Variants in EPB41L5 observed in about 807,000 individuals in gnomAD.
EPB41L5 encodes erythrocyte membrane protein band 4.1 like 5.
In EPB41L5, 55 loss-of-function variants were observed where a neutral mutation model predicts 106.6. The ratio of observed to expected loss-of-function variants is 0.52; its 90% confidence interval spans 0.42 to 0.65. EPB41L5 has a LOEUF of 0.65. EPB41L5 is among the 30% of genes least tolerant of loss of function. The pLI, the probability that EPB41L5 is intolerant of heterozygous loss-of-function variation, is 0.00. For synonymous variants in EPB41L5, 297 were observed against 306.7 expected (o/e 0.97, Z 0.33); for missense variants, 871 against 882.1 (o/e 0.99, Z 0.16).
At chr2:120,039,852 AAAGT>A (rs893662559) in intron 2 of EPB41L5, among the ~76,000 whole-genome samples, 1 of 151,216 alleles carries the variant, frequency 6.6e-6, no homozygotes, top group Non-Finnish European at 1.5e-5. Context: ...AAAAAAGAAG[AAAGT>A]AATTTTATGA....
At chr2:120,165,537 T>G (rs920412112) in intron 22 of EPB41L5, among the ~76,000 whole-genome samples, 1 of 152,190 alleles carries the variant, frequency 6.6e-6, no homozygotes, top group Admixed American at 6.5e-5. Flanking sequence ...CCTGCACATG[T>G]TCAGTACAGA....
chr2:120,031,562 A>G (rs1000733576), intron 2 of EPB41L5, among the ~76,000 whole-genome samples: 1 of 152,192 alleles, frequency 6.6e-6, no homozygotes, highest in African/African-American at 2.4e-5. Flanking sequence ...GTTCATTTTC[A>G]ATAGCTACAA....
intron 1 of EPB41L5, among the ~76,000 whole-genome samples, chr2:120,016,004 A>G (rs985560336): frequency 6.6e-6 from 1 of 152,082 alleles, no homozygotes; most frequent in Non-Finnish European, 1.5e-5. Flanking sequence ...TGATGAACAC[A>G]TTTAAAATTT....
chr2:120,127,246 A>G (rs1314798828), intron 16 of EPB41L5, among the ~76,000 whole-genome samples: 1 of 152,190 alleles, frequency 6.6e-6, no homozygotes, highest in Non-Finnish European at 1.5e-5. Context: ...AAGTCTACTC[A>G]AAGGGTTGTG....
At chr2:120,104,842 T>G in intron 16 of EPB41L5, 1 of 966,912 alleles carries the variant, frequency 1.0e-6, no homozygotes, top group Non-Finnish European at 1.2e-6. Context: ...GAGATCACAT[T>G]AATAATGTGG....
chr2:120,101,242 G>T (rs1684126130), intron 16 of EPB41L5, among the ~76,000 whole-genome samples: 1 of 152,166 alleles, frequency 6.6e-6, no homozygotes, highest in South Asian at 2.1e-4. Flanking sequence ...AAGACGAAGG[G>T]TAAAGTCAGA....
chr2:120,155,024 A>G (rs1216675964), intron 20 of EPB41L5, among the ~76,000 whole-genome samples: 3 of 152,356 alleles, frequency 2.0e-5, no homozygotes, highest in Middle Eastern at 3.4e-3. Context: ...GTGGAATAAA[A>G]GAGAAGTTAT....
At chr2:120,155,630 T>C (rs1023268576) in intron 20 of EPB41L5, among the ~76,000 whole-genome samples, 1 of 152,140 alleles carries the variant, frequency 6.6e-6, no homozygotes, top group Non-Finnish European at 1.5e-5. Flanking sequence ...GTAATACGTA[T>C]ATTAATATGC....
At chr2:120,068,066 C>G (rs1251320008) in intron 3 of EPB41L5, among the ~76,000 whole-genome samples, 1 of 152,130 alleles carries the variant, frequency 6.6e-6, no homozygotes, top group South Asian at 2.1e-4. Context: ...TTCTGCATTT[C>G]CAACTGAGGT....
intron 16 of EPB41L5, among the ~76,000 whole-genome samples, chr2:120,119,760 G>T (rs183221031): frequency 6.6e-6 from 1 of 152,172 alleles, no homozygotes; most frequent in African/African-American, 2.4e-5. Flanking sequence ...AACCTGCAAT[G>T]AATTTACAAA....
At chr2:120,045,057 G>T (rs1679672065) in intron 3 of EPB41L5, among the ~76,000 whole-genome samples, 1 of 152,128 alleles carries the variant, frequency 6.6e-6, no homozygotes. Context: ...ACCAAAGTGG[G>T]GTGAAGGGAA....
rs750117877 is a variant in EPB41L5 at position 120,176,300 on chromosome 2, G to C, written c.*1393G>C. On this transcript the variant is annotated 3_prime_UTR_variant, in exon 25 of 25. Coordinates refer to ENST00000263713, the MANE Select transcript of EPB41L5 (RefSeq NM_020909.4). Reference sequence around the variant, plus strand: ...TATACCTCCTGGAATTTGCTTTCTAGTTTTCTGTCCTGCAATATGTATATA... The same window carrying C: ...TATACCTCCTGGAATTTGCTTTCTACTTTTCTGTCCTGCAATATGTATATA... 6.6e-6 allele frequency: 1 copy of C among 152,272 alleles called. No homozygotes were observed. The highest frequency in any genetic ancestry group is 2.4e-5 in the African/African-American group (1 of 41,418). The allele number at this position is 152,272 out of a possible 1,614,324, so 9.4% of individuals were successfully genotyped here.
intron 11 of EPB41L5, among the ~76,000 whole-genome samples, chr2:120,088,003 G>T (rs57458070): frequency 3.3e-5 from 5 of 152,088 alleles, no homozygotes; most frequent in Non-Finnish European, 5.9e-5. Flanking sequence ...AAGGCAAGAA[G>T]AATTTTACTT....
At chr2:120,073,960 G>A in intron 4 of EPB41L5, 140 bp from the exon 5 acceptor site, 4 of 609,818 alleles carry the variant, frequency 6.6e-6, no homozygotes. Context: ...TCTAATTGAA[G>A]CCTATGATCT....
At chr2:120,116,540 G>A (rs1684954913) in intron 16 of EPB41L5, among the ~76,000 whole-genome samples, 1 of 151,960 alleles carries the variant, frequency 6.6e-6, no homozygotes, top group Non-Finnish European at 1.5e-5. Flanking sequence ...TTTGTTTTTT[G>A]AGATAGGGTC....
Position 120,176,485 on chromosome 2 carries a change from CA to C in EPB41L5, c.*1579del. ...GGAAAGCTCAGGAATTTTAATCTTG[CA>C]CTGTTTCCCAGGGAGCTGTAGTGAT... is the stretch of plus-strand genomic sequence containing the variant. On this transcript the variant is annotated 3_prime_UTR_variant, in exon 25 of 25. Coordinates refer to ENST00000263713, the MANE Select transcript of EPB41L5 (RefSeq NM_020909.4). 2 of 152,218 alleles carry C rather than the reference CA, an allele frequency of 1.3e-5. No individual in the cohort carries two copies. Among genetic ancestry groups the C allele is most frequent in the Non-Finnish European group, 2.9e-5 (2 of 68,044 alleles). 9.4% of individuals were successfully genotyped at this position (152,218 alleles called of 1,614,324 possible).
chr2:120,079,930 C>T (rs957771721), intron 10 of EPB41L5, among the ~76,000 whole-genome samples: 2 of 152,000 alleles, frequency 1.3e-5, no homozygotes, highest in Admixed American at 6.6e-5. Flanking sequence ...TTTCTTTGTC[C>T]TCCCTGCCCC....
At chr2:120,096,202 G>A (rs1683742793) in intron 14 of EPB41L5, among the ~76,000 whole-genome samples, 2 of 152,064 alleles carry the variant, frequency 1.3e-5, no homozygotes, top group African/African-American at 4.8e-5. Context: ...AGTATCATCA[G>A]CCTCACCTTG....
At chr2:120,043,840 T>C (rs1324636505) in intron 3 of EPB41L5, among the ~76,000 whole-genome samples, 1 of 152,118 alleles carries the variant, frequency 6.6e-6, no homozygotes, top group African/African-American at 2.4e-5. Flanking sequence ...TATAATTGAA[T>C]TTTTCTATTT....
Sources: gnomAD v4.1 joint callset for allele counts (sites outside exome capture counted in the v4.1 genomes callset) on GRCh38, gnomAD v4.1.1 for gene constraint, MANE v1.5 for transcripts, NCBI Gene and HGNC (gene_info 2026-07-23, HGNC 2026-07-21) for gene names.